The following CACNA2D3 variants were observed in gnomAD, a reference collection of about 807,000 sequenced individuals.
The protein encoded by CACNA2D3 is voltage-dependent calcium channel subunit alpha-2/delta-3.
In CACNA2D3, 60 loss-of-function variants were observed where a neutral mutation model predicts 160.6. The ratio of observed to expected loss-of-function variants is 0.37; its 90% CI spans 0.30 to 0.46. CACNA2D3 has a LOEUF of 0.46. CACNA2D3 is among the 20% of genes least tolerant of loss of function. The pLI is 1.00. For synonymous variants in CACNA2D3, 558 were observed against 492.9 expected (o/e 1.13, Z -1.75); for missense variants, 1,205 against 1,365.0 (o/e 0.88, Z 1.85).
At chr3:54,853,263 C>T (rs926208748) in intron 17 of CACNA2D3, among the ~76,000 whole-genome samples, 3 of 152,138 alleles carry the variant, frequency 2.0e-5, no homozygotes, top group African/African-American at 7.2e-5. Context: ...TTTAACTTCT[C>T]CCCTGTGGTC....
chr3:54,213,239 T>C (rs1701407329), intron 2 of CACNA2D3, among the ~76,000 whole-genome samples: 1 of 152,216 alleles, frequency 6.6e-6, no homozygotes, highest in South Asian at 2.1e-4. Context: ...CCTATTTTAT[T>C]TCTTTTAACC....
intron 4 of CACNA2D3, among the ~76,000 whole-genome samples, chr3:54,500,514 T>TTCCTATCTTCCC (rs1701273179): frequency 7.6e-6 from 1 of 132,170 alleles, no homozygotes; most frequent in Non-Finnish European, 1.6e-5. Flanking sequence ...TCTTCCTTCC[T>TTCCTATCTTCCC]TCCTTCCTTC....
chr3:54,392,238 C>T (rs1252069650), intron 4 of CACNA2D3, among the ~76,000 whole-genome samples: 1 of 152,050 alleles, frequency 6.6e-6, no homozygotes, highest in Non-Finnish European at 1.5e-5. Context: ...TGTTCTAGTA[C>T]AATTCAGAAT....
chr3:54,968,829 C>T (rs533814321), intron 28 of CACNA2D3, among the ~76,000 whole-genome samples: 4 of 152,286 alleles, frequency 2.6e-5, no homozygotes, highest in Non-Finnish European at 5.9e-5. Flanking sequence ...TCTCCTAATC[C>T]TGTGGTCGTG....
At chr3:55,012,590 A>G (rs1482017569) in intron 34 of CACNA2D3, among the ~76,000 whole-genome samples, 3 of 152,094 alleles carry the variant, frequency 2.0e-5, no homozygotes, top group Middle Eastern at 3.2e-3. Flanking sequence ...TTTGCCTAGA[A>G]CAGTGGTTTT....
At chr3:54,813,036 C>A (rs1703360192) in intron 13 of CACNA2D3, among the ~76,000 whole-genome samples, 1 of 152,192 alleles carries the variant, frequency 6.6e-6, no homozygotes, top group Admixed American at 6.5e-5. Context: ...CTTCTGAATA[C>A]ACATTCTCCA....
At chr3:54,772,309 T>C (rs1702335546) in intron 13 of CACNA2D3, among the ~76,000 whole-genome samples, 1 of 151,866 alleles carries the variant, frequency 6.6e-6, no homozygotes, top group Non-Finnish European at 1.5e-5. Flanking sequence ...TATAATTATA[T>C]AACTGATTTA....
At chr3:54,466,075 T>A (rs1700619911) in intron 4 of CACNA2D3, among the ~76,000 whole-genome samples, 2 of 152,220 alleles carry the variant, frequency 1.3e-5, no homozygotes, top group South Asian at 4.1e-4. Flanking sequence ...TCTCTCTGAC[T>A]TTCTCTTCTG....
In CACNA2D3 at chr3:54,212,931, C is replaced by G. The variant is rs114012880; in HGVS notation, c.204+89337C>G. ...TTAATGAGATGATGCTGGAATGTGGCGAGCACATTCCAGGCCTCCTAATTG... is the reference window on the plus strand; with the variant it reads ...TTAATGAGATGATGCTGGAATGTGGGGAGCACATTCCAGGCCTCCTAATTG... On this transcript the variant is annotated intron_variant, in intron 2 of 37. Transcript: ENST00000474759. Among the ~76,000 whole-genome samples the G allele has an allele frequency of 1.6e-3, 250 of 152,170 alleles. 1 individual carries two copies. Among genetic ancestry groups the G allele is most frequent in the African/African-American group, 5.8e-3 (242 of 41,524 alleles).
intron 9 of CACNA2D3, among the ~76,000 whole-genome samples, chr3:54,586,865 C>T (rs908136240): frequency 3.3e-5 from 5 of 151,466 alleles, no homozygotes; most frequent in African/African-American, 1.2e-4. Flanking sequence ...AACAGAAAGA[C>T]AGCAGAAAAA....
chr3:55,019,514 G>GTT (rs1206644586), intron 35 of CACNA2D3, among the ~76,000 whole-genome samples: 1 of 151,918 alleles, frequency 6.6e-6, no homozygotes, highest in East Asian at 1.9e-4. Context: ...ACACCCCATA[G>GTT]TTTTTCTTCT....
At chr3:54,421,797 C>T (rs535165509) in intron 4 of CACNA2D3, among the ~76,000 whole-genome samples, 2 of 152,166 alleles carry the variant, frequency 1.3e-5, no homozygotes, top group African/African-American at 2.4e-5. Flanking sequence ...GGCGACTTCA[C>T]GTTTCAGGAT....
intron 11 of CACNA2D3, among the ~76,000 whole-genome samples, chr3:54,660,143 C>CTTTTTTTTTTTTTTTT: frequency 7.0e-6 from 1 of 142,796 alleles, no homozygotes; most frequent in East Asian, 2.0e-4. Flanking sequence ...CTTTTGGTTT[C>CTTTTTTTTTTTTTTTT]TTTTTTTTTT....
At position 54,581,848 on chromosome 3, in the gene CACNA2D3, T is replaced by G; in HGVS notation, c.934T>G (p.Leu312Val). ...TGTGGAACCTTGCCTGAATGGAACT[T>G]TGGTGCAAGCCGACAGGACAAACAA... ...HYVEPCLNGTLVQADRTNKEH... is the reference protein window; with the variant it reads ...HYVEPCLNGTVVQADRTNKEH... Residue 312 changes from leucine to valine, a missense_variant, in exon 9 of 38, where the codon TTG (leucine) becomes GTG (valine). By Grantham distance (32) the Leu-to-Val change is conservative. Coordinates refer to ENST00000474759, the MANE Select transcript of CACNA2D3 (RefSeq NM_018398.3). 1 of 1,613,828 alleles carries G rather than the reference T, an allele frequency of 6.2e-7. No individual in the cohort carries two copies. The highest frequency in any genetic ancestry group is 8.5e-7 in the Non-Finnish European group (1 of 1,179,838).
chr3:54,663,276 T>G (rs1259118474), intron 11 of CACNA2D3, among the ~76,000 whole-genome samples: 4 of 152,166 alleles, frequency 2.6e-5, no homozygotes, highest in Non-Finnish European at 5.9e-5. Flanking sequence ...TCTGTGGATG[T>G]TGGTGTCTTT....
intron 35 of CACNA2D3, among the ~76,000 whole-genome samples, chr3:55,053,767 T>G (rs1296879752): frequency 6.6e-6 from 1 of 151,970 alleles, no homozygotes; most frequent in Non-Finnish European, 1.5e-5. Flanking sequence ...CTGGATGAAT[T>G]TTATGTCCTT....
At chr3:54,200,809 G>A (rs1701163389) in intron 2 of CACNA2D3, among the ~76,000 whole-genome samples, 4 of 152,160 alleles carry the variant, frequency 2.6e-5, no homozygotes, top group Non-Finnish European at 5.9e-5. Flanking sequence ...CTGTAGACTT[G>A]TCTCCTGTTT....
chr3:54,759,442 A>G (rs1352297492), intron 12 of CACNA2D3, among the ~76,000 whole-genome samples: 4 of 151,468 alleles, frequency 2.6e-5, no homozygotes, highest in Non-Finnish European at 5.9e-5. Context: ...ATTATCCATC[A>G]TTTGTTAACT....
intron 9 of CACNA2D3, among the ~76,000 whole-genome samples, chr3:54,621,530 C>T (rs1472586689): frequency 6.6e-6 from 1 of 152,222 alleles, no homozygotes; most frequent in Non-Finnish European, 1.5e-5. Flanking sequence ...GAGCCACCCT[C>T]CTCCTTTATT....
Sources: gnomAD v4.1 joint callset for allele counts (sites outside exome capture counted in the v4.1 genomes callset) on GRCh38, gnomAD v4.1.1 for gene constraint, MANE v1.5 for transcripts, NCBI Gene and HGNC (gene_info 2026-07-23, HGNC 2026-07-21) for gene names.